The following RAB21 variants were observed in gnomAD, a reference collection of about 807,000 sequenced individuals.
The protein encoded by RAB21 is ras-related protein Rab-21.
A neutral mutation model predicts 33.1 loss-of-function variants in RAB21; 13 were observed. The ratio of observed to expected loss-of-function variants is 0.39; its 90% CI spans 0.26 to 0.62. The LOEUF is 0.62. Among genes scored for constraint, RAB21 ranks in the 20% least tolerant of loss-of-function variants. The pLI is 0.48. For missense variants in RAB21, 234 were observed against 279.1 expected (o/e 0.84, Z 1.15); for synonymous variants, 91 against 103.7 (o/e 0.88, Z 0.74).
rs922412172 is a variant in RAB21, at chr12:71,789,069, A to G, written c.*3396A>G. 5.9e-5 allele frequency: 9 copies of G among 151,992 alleles called. No homozygotes were observed. The highest frequency in any genetic ancestry group is 2.2e-4 in the African/African-American group (9 of 41,388). 9.4% of individuals were successfully genotyped at this position (151,992 alleles called of 1,614,324 possible). On this transcript the variant is annotated 3_prime_UTR_variant, in exon 7 of 7. Transcript: ENST00000261263. ...ATATTTGACATTAAAGTGAAGAAGA[A>G]GAGTAGTACTTCACTTTTAGGTTTT...
Position 71,785,890 on chromosome 12 carries a change from TTTTTTTTTTG to T in RAB21, c.*238_*247del, listed in dbSNP as rs890268978. 2.0e-3 allele frequency: 926 copies of T among 471,862 alleles called. 2 individuals carry two copies. The highest frequency in any genetic ancestry group is 3.6e-3 in the South Asian group (100 of 27,444). 29.2% of individuals were successfully genotyped at this position (471,862 alleles called of 1,614,324 possible). ...CATTTTCTACAAATGTTTTTTTTTG[TTTTTTTTTTG>T]TTTTTTTTTGTTTTTTTTTGAGACG... On this transcript the variant is annotated 3_prime_UTR_variant, in exon 7 of 7. Coordinates refer to ENST00000261263, the MANE Select transcript of RAB21 (RefSeq NM_014999.4).
intron 1 of RAB21, among the ~76,000 whole-genome samples, chr12:71,758,028 T>C (rs1003032630): frequency 1.3e-5 from 2 of 152,098 alleles, no homozygotes; most frequent in African/African-American, 4.8e-5. Context: ...ATTTCATTTT[T>C]AAATTTTTTT....
In RAB21 at chr12:71,792,763, C is replaced by A. The variant is rs1364256651; in HGVS notation, c.*7090C>A. 6.6e-6 allele frequency: 1 copy of A among 152,324 alleles called. No homozygotes were observed. Among genetic ancestry groups the A allele is most frequent in the East Asian group, 1.9e-4 (1 of 5,186 alleles). 9.4% of individuals were successfully genotyped at this position (152,324 alleles called of 1,614,324 possible). On this transcript the variant is annotated 3_prime_UTR_variant, in exon 7 of 7. Transcript: ENST00000261263. Reference sequence around the variant, plus strand: ...TGGGAGAACCAGATAGCCAAAGTGCCTTCCTTTATCGTTGGAACCTAGAGA... The same window carrying A: ...TGGGAGAACCAGATAGCCAAAGTGCATTCCTTTATCGTTGGAACCTAGAGA...
chr12:71,792,078 G>C lies in RAB21; in HGVS notation c.*6405G>C, dbSNP rs564394250. On this transcript the variant is annotated 3_prime_UTR_variant, in exon 7 of 7. Transcript: ENST00000261263. ...TTGTGGAGATGGCTCTCACTTTGTTGCCCAGGCTGGTTTTTGAACTAGTTT... is the reference window on the plus strand; with the variant it reads ...TTGTGGAGATGGCTCTCACTTTGTTCCCCAGGCTGGTTTTTGAACTAGTTT... The C allele has an allele frequency of 7.2e-5, 11 of 152,084 alleles. No homozygotes were observed. Among genetic ancestry groups the C allele is most frequent in the African/African-American group, 2.4e-4 (10 of 41,486 alleles). The allele number at this position is 152,084 out of a possible 1,614,324, so 9.4% of individuals were successfully genotyped here.
chr12:71,766,303 G>T (rs902860769), intron 1 of RAB21, among the ~76,000 whole-genome samples: 1 of 152,096 alleles, frequency 6.6e-6, no homozygotes, highest in East Asian at 1.9e-4. Context: ...AGTCTGAGAA[G>T]TATCGTAGCA....
In RAB21 at chr12:71,795,340, CAA is replaced by C. The variant is rs1174354843; in HGVS notation, c.*9670_*9671del. On this transcript the variant is annotated 3_prime_UTR_variant, in exon 7 of 7. Coordinates refer to ENST00000261263, the MANE Select transcript of RAB21 (RefSeq NM_014999.4). ...TTCTAAGCCAAGCACTGCTTGAAAA[CAA>C]AACAAAACAGAACAAAACCTTATAT... The C allele has an allele frequency of 6.6e-6, 1 of 152,046 alleles. No homozygotes were observed. Among genetic ancestry groups the C allele is most frequent in the East Asian group, 1.9e-4 (1 of 5,176 alleles). The allele number at this position is 152,046 out of a possible 1,614,324, so 9.4% of individuals were successfully genotyped here.
chr12:71,775,937 G>A (rs1320148727), intron 4 of RAB21, among the ~76,000 whole-genome samples: 1 of 152,122 alleles, frequency 6.6e-6, no homozygotes. Flanking sequence ...GGAAAAAAGC[G>A]AGATGATTTC....
At chr12:71,758,992 A>G (rs543389216) in intron 1 of RAB21, among the ~76,000 whole-genome samples, 1 of 152,350 alleles carries the variant, frequency 6.6e-6, no homozygotes, top group South Asian at 2.1e-4. Flanking sequence ...TTTCTCTTTG[A>G]TAAATATTGA....
intron 2 of RAB21, 84 bp downstream of exon 2, chr12:71,769,943 CTTT>C (rs578245368): frequency 1.7e-4 from 76 of 439,412 alleles, no homozygotes; most frequent in South Asian, 2.0e-4. Flanking sequence ...TTAGCCAACA[CTTT>C]TTTTTTTTTT....
chr12:71,792,633 A>T lies in RAB21; in HGVS notation c.*6960A>T, dbSNP rs1018843801. 2.6e-5 allele frequency: 4 copies of T among 152,206 alleles called. No homozygotes were observed. Among genetic ancestry groups the T allele is most frequent in the African/African-American group, 7.2e-5 (3 of 41,434 alleles). The allele number at this position is 152,206 out of a possible 1,614,324, so 9.4% of individuals were successfully genotyped here. On this transcript the variant is annotated 3_prime_UTR_variant, in exon 7 of 7. Transcript: ENST00000261263. ...AATAATTGTTTCTGTATTTTAAAAA[A>T]TTTTAAAACATTCAGCTTTTTATGA...
At chr12:71,755,329 C>CA in intron 1 of RAB21, 41 bp downstream of exon 1, 1 of 1,462,034 alleles carries the variant, frequency 6.8e-7, no homozygotes, top group Non-Finnish European at 9.0e-7. Flanking sequence ...CTCAGGGCCC[C>CA]TACCCCTCCG....
intron 1 of RAB21, 141 bp downstream of exon 1, chr12:71,755,429 A>C: frequency 9.3e-7 from 1 of 1,077,794 alleles, no homozygotes; most frequent in Admixed American, 4.2e-5. Context: ...ACCTTTCCGA[A>C]TTCGCCCTGG....
In RAB21 at chr12:71,794,819, C is replaced by A. The variant is rs932495955; in HGVS notation, c.*9146C>A. On this transcript the variant is annotated 3_prime_UTR_variant, in exon 7 of 7. Coordinates refer to ENST00000261263, the MANE Select transcript of RAB21 (RefSeq NM_014999.4). The stretch of plus-strand genomic sequence containing the variant: ...GGGCATGGTAGTGAGCCCCTGTAAT[C>A]CCAGCTACTTGGGAGGCTGAGGCAG... The A allele has an allele frequency of 6.7e-6, 1 of 149,128 alleles. No homozygotes were observed. Among genetic ancestry groups the A allele is most frequent in the Non-Finnish European group, 1.5e-5 (1 of 67,522 alleles). The allele number at this position is 149,128 out of a possible 1,614,324, so 9.2% of individuals were successfully genotyped here.
intron 4 of RAB21, among the ~76,000 whole-genome samples, chr12:71,778,500 T>C (rs1883152632): frequency 6.6e-6 from 1 of 152,176 alleles, no homozygotes; most frequent in South Asian, 2.1e-4. Flanking sequence ...TTGTTAGAAG[T>C]AGACCTGGGA....
chr12:71,782,412 T>C, intron 5 of RAB21, 158 bp from the exon 6 acceptor site: 1 of 529,912 alleles, frequency 1.9e-6, no homozygotes, highest in South Asian at 3.8e-5. Flanking sequence ...TATTTAAAAT[T>C]TGATTTAATG....
chr12:71,769,542 GA>G (rs538429572), intron 1 of RAB21, among the ~76,000 whole-genome samples: 82 of 151,980 alleles, frequency 5.4e-4, no homozygotes, highest in African/African-American at 1.8e-3. Context: ...CATAGATAAG[GA>G]AAAATATTAA....
At position 71,797,956 on chromosome 12, in the gene RAB21, A is replaced by G. The variant is rs1027544327; in HGVS notation, c.*12283A>G. 3 of 152,222 alleles carry G rather than the reference A, an allele frequency of 2.0e-5. No homozygotes were observed. The highest frequency in any genetic ancestry group is 7.2e-5 in the African/African-American group (3 of 41,456). The allele number at this position is 152,222 out of a possible 1,614,324, so 9.4% of individuals were successfully genotyped here. On this transcript the variant is annotated 3_prime_UTR_variant, in exon 7 of 7. Coordinates refer to ENST00000261263, the MANE Select transcript of RAB21 (RefSeq NM_014999.4). ...ATATGAAAACTGAAATGTTTAAAGT[A>G]CCCAAAGAGGTTGTCAGAGAATTTT...
At position 71,797,548 on chromosome 12, in the gene RAB21, T is replaced by C. The variant is rs1290448870; in HGVS notation, c.*11875T>C. 1.4e-5 allele frequency: 2 copies of C among 142,576 alleles called. No homozygotes were observed. Among genetic ancestry groups the C allele is most frequent in the African/African-American group, 5.3e-5 (2 of 37,600 alleles). 8.8% of individuals were successfully genotyped at this position (142,576 alleles called of 1,614,324 possible). A position where few individuals can be genotyped will look rare whatever the true frequency, so the allele number is the denominator to read the frequency against. On this transcript the variant is annotated 3_prime_UTR_variant, in exon 7 of 7. Transcript: ENST00000261263. ...AACATACACATTTCAGTTCTCTAAATTGAATGCAATCCCAATAAAAATATA... is the reference window on the plus strand; with the variant it reads ...AACATACACATTTCAGTTCTCTAAACTGAATGCAATCCCAATAAAAATATA...
At chr12:71,779,801 T>G (rs989996655) in intron 4 of RAB21, among the ~76,000 whole-genome samples, 6 of 152,368 alleles carry the variant, frequency 3.9e-5, no homozygotes, top group African/African-American at 1.2e-4. Flanking sequence ...GTTATTGTCC[T>G]TGTTTTCAGG....
Sources: allele counts gnomAD v4.1 joint callset (sites outside exome capture counted in the v4.1 genomes callset), GRCh38; gene constraint gnomAD v4.1.1; transcripts MANE v1.5; gene names NCBI Gene and HGNC (gene_info 2026-07-23, HGNC 2026-07-21).